RUNX1: variants seen among roughly 807,000 people sequenced by gnomAD.
The protein encoded by RUNX1 is RUNX family transcription factor 1.
RUNX1 carries 19 observed loss-of-function variants against 42.8 expected under a neutral mutation model. The ratio of observed to expected loss-of-function variants is 0.44; its 90% CI spans 0.31 to 0.65. The LOEUF (loss-of-function observed/expected upper bound fraction) is 0.65. Among genes scored for constraint, RUNX1 ranks in the 30% least tolerant of loss-of-function variants. The pLI is 0.07. For synonymous variants in RUNX1, 271 were observed against 289.4 expected (o/e 0.94, Z 0.64); for missense variants, 528 against 672.0 (o/e 0.79, Z 2.37).
chr21:35,021,539 C>T (rs1394051938), intron 2 of RUNX1, among the ~76,000 whole-genome samples: 1 of 152,234 alleles, frequency 6.6e-6, no homozygotes, highest in Non-Finnish European at 1.5e-5. Context: ...CTAAACATTA[C>T]TATCTTCCCC....
chr21:34,816,688 T>A (rs2056831714), intron 7 of RUNX1, among the ~76,000 whole-genome samples: 1 of 151,736 alleles, frequency 6.6e-6, no homozygotes, highest in Admixed American at 6.6e-5. Flanking sequence ...GATTCGGGGA[T>A]GTGGTGGGGA....
intron 2 of RUNX1, among the ~76,000 whole-genome samples, chr21:34,925,507 G>A (rs781100184): frequency 6.6e-6 from 1 of 152,174 alleles, no homozygotes. Context: ...CAAAGGCAGA[G>A]ACTGAAGTGA....
In RUNX1 at chr21:34,859,884, G is replaced by GCTCT. The variant is rs1330071870; in HGVS notation, c.509-310_509-307dup. Among the ~76,000 whole-genome samples the GCTCT allele has an allele frequency of 2.6e-5, 4 of 152,212 alleles. No individual in the cohort carries two copies. The East Asian group carries it at 5.8e-4, about 22-fold the overall frequency. Reference sequence around the variant, plus strand: ...CGGAAACCATAGAGTCAGATTGGCAGCTCTCCACTTCTGGTTCCCAACTTC... The same window carrying GCTCT: ...CGGAAACCATAGAGTCAGATTGGCAGCTCTCTCTCCACTTCTGGTTCCCAACTTC... On this transcript the variant is annotated intron_variant, in intron 5 of 8. Transcript: ENST00000675419.
intron 6 of RUNX1, among the ~76,000 whole-genome samples, chr21:34,848,793 T>C (rs1326592005): frequency 6.6e-6 from 1 of 152,106 alleles, no homozygotes; most frequent in Non-Finnish European, 1.5e-5. Context: ...GAGAGGCGCG[T>C]GGGACGTGGC....
rs371458001 is a variant in RUNX1, at chr21:35,017,872, A to G, written c.58+30970T>C. On this transcript the variant is annotated intron_variant, in intron 2 of 8. Coordinates refer to ENST00000675419, the MANE Select transcript of RUNX1 (RefSeq NM_001754.5). ...TCTTTAGCTAAAGAACAAAGATTTA[A>G]CGGTGGAACTGTCCACTTGAATTGG... Among the ~76,000 whole-genome samples, 5 of 152,330 alleles carry G rather than the reference A, an allele frequency of 3.3e-5. No homozygotes were observed. In the South Asian group the frequency reaches 8.3e-4, roughly 25 times the overall value.
chr21:34,808,026 T>G (rs144491579), intron 7 of RUNX1, among the ~76,000 whole-genome samples: 1 of 152,346 alleles, frequency 6.6e-6, no homozygotes, highest in East Asian at 1.9e-4. Flanking sequence ...CACCTATTCC[T>G]ACTACAGGTA....
At chr21:34,861,233 A>G (rs1403170568) in intron 5 of RUNX1, among the ~76,000 whole-genome samples, 1 of 152,226 alleles carries the variant, frequency 6.6e-6, no homozygotes, top group Non-Finnish European at 1.5e-5. Context: ...CTACCGTGGC[A>G]TCTAGCTGAA....
intron 2 of RUNX1, among the ~76,000 whole-genome samples, chr21:34,967,255 G>T (rs2058726076): frequency 7.2e-6 from 1 of 138,176 alleles, no homozygotes; most frequent in Non-Finnish European, 1.5e-5. Context: ...GGGAGGTGGA[G>T]GTTGCAGTGA....
chr21:34,890,191 G>A (rs1022121211), intron 3 of RUNX1, among the ~76,000 whole-genome samples: 7 of 151,834 alleles, frequency 4.6e-5, no homozygotes, highest in Admixed American at 2.6e-4. Context: ...GACGCGCCGC[G>A]GGCTCTGGCG....
intron 2 of RUNX1, among the ~76,000 whole-genome samples, chr21:34,943,925 C>A (rs2058546139): frequency 6.6e-6 from 1 of 152,108 alleles, no homozygotes; most frequent in South Asian, 2.1e-4. Context: ...TCTCTTTTCC[C>A]CAAATCTTTT....
intron 2 of RUNX1, among the ~76,000 whole-genome samples, chr21:34,894,880 A>AAAACAC (rs1555901332): frequency 2.3e-5 from 3 of 127,872 alleles, no homozygotes; most frequent in Non-Finnish European, 3.2e-5. Flanking sequence ...CCTACATAGA[A>AAAACAC]ACACACACAC....
chr21:34,892,474 A>C (rs2058090970), intron 3 of RUNX1, among the ~76,000 whole-genome samples: 1 of 152,222 alleles, frequency 6.6e-6, no homozygotes, highest in African/African-American at 2.4e-5. Flanking sequence ...TCACTTCATA[A>C]ACCCATTGTG....
rs1050684916 is a variant in RUNX1 at position 34,838,362 on chromosome 21, G to A, written c.614-3761C>T. On this transcript the variant is annotated intron_variant, in intron 6 of 8. Coordinates refer to ENST00000675419, the MANE Select transcript of RUNX1 (RefSeq NM_001754.5). ...CAACAACATATTAGTCTATGTTTCCGATATGGGTTTACTAGTTTTCTTGAT... is the reference window on the plus strand; with the variant it reads ...CAACAACATATTAGTCTATGTTTCCAATATGGGTTTACTAGTTTTCTTGAT... 5.3e-5 allele frequency among the ~76,000 whole-genome samples: 8 copies of A among 152,136 alleles called. No individual in the cohort carries two copies. The East Asian group carries it at 9.6e-4, about 18-fold the overall frequency.
chr21:35,013,680 C>G (rs1011761295), intron 2 of RUNX1, among the ~76,000 whole-genome samples: 3 of 152,132 alleles, frequency 2.0e-5, no homozygotes, highest in Admixed American at 2.0e-4. Context: ...GTGTCCGTAC[C>G]AAAACTCTTA....
chr21:34,886,872 A>G lies in RUNX1; in HGVS notation c.322T>C (p.Cys108Arg), dbSNP rs2057997947. 1 of 1,613,584 alleles carries G rather than the reference A, an allele frequency of 6.2e-7. No homozygotes were observed. Among genetic ancestry groups the G allele is most frequent in the Non-Finnish European group, 8.5e-7 (1 of 1,179,768 alleles). The change falls in exon 4 of 9, where the codon TGC becomes CGC. Residue 108 changes from cysteine to arginine, a missense_variant. Physicochemically the swap from Cys to Arg is radical, Grantham distance 180 (BLOSUM62 -3). Transcript: ENST00000675419. The part of the protein sequence containing the change: ...LCSVLPTHWR[C>R]NKTLPIAFKV... ...AAAGCGATGGGCAGGGTCTTGTTGC[A>G]GCGCCAGTGCGTAGGCAGCACGGAG...
chr21:34,982,397 G>GGGGTGTGT (rs140568284), intron 2 of RUNX1, among the ~76,000 whole-genome samples: 9 of 148,322 alleles, frequency 6.1e-5, no homozygotes, highest in Non-Finnish European at 6.0e-5. Context: ...AGTCAAAAGG[G>GGGGTGTGT]GTGTGTGTGT....
At chr21:34,900,068 T>C (rs76621869) in intron 2 of RUNX1, among the ~76,000 whole-genome samples, 5,547 of 152,316 alleles carry the variant, frequency 0.036, 151 homozygotes, top group South Asian at 0.076. Flanking sequence ...ATATACATAA[T>C]TTAAGATTTT....
chr21:34,965,104 C>A (rs1458031950), intron 2 of RUNX1, among the ~76,000 whole-genome samples: 1 of 151,882 alleles, frequency 6.6e-6, no homozygotes, highest in Non-Finnish European at 1.5e-5. Flanking sequence ...CATGCACACG[C>A]ACATACACTC....
At chr21:34,821,222 G>A (rs1254442472) in intron 7 of RUNX1, 2 of 1,038,050 alleles carry the variant, frequency 1.9e-6, no homozygotes, top group Non-Finnish European at 2.3e-6. Context: ...GGACCGATGG[G>A]TACAACTAAC....
Sources: allele counts gnomAD v4.1 joint callset (sites outside exome capture counted in the v4.1 genomes callset), GRCh38; gene constraint gnomAD v4.1.1; transcripts MANE v1.5; gene names NCBI Gene and HGNC (gene_info 2026-07-23, HGNC 2026-07-21).